PEX2: variants seen among roughly 807,000 people sequenced by gnomAD.
PEX2 encodes peroxisome biogenesis factor 2.
PEX2 carries 19 observed loss-of-function variants against 25.2 expected under a neutral mutation model. The ratio of observed to expected loss-of-function variants is 0.75; its 90% CI spans 0.53 to 1.10. The LOEUF (loss-of-function observed/expected upper bound fraction) is 1.10, where lower values mean the gene tolerates loss of function less well. PEX2 is among the 50% of genes least tolerant of loss of function. The pLI, the probability that PEX2 is intolerant of heterozygous loss-of-function variation, is 0.00. For synonymous variants in PEX2, 141 were observed against 127.7 expected, an observed-to-expected ratio of 1.10 and a Z score of -0.70; for missense variants, 347 against 350.6, an observed-to-expected ratio of 0.99 and a Z score of 0.08.
chr8:76,985,060 TAA>T (rs1338966958), intron 3 of PEX2, among the ~76,000 whole-genome samples: 3 of 151,790 alleles, frequency 2.0e-5, no homozygotes, highest in African/African-American at 7.3e-5. Context: ...TATATTATTA[TAA>T]ATATGTATTA....
rs1806920297 is a variant in PEX2 at position 76,983,870 on chromosome 8, T to G, written c.309A>C (p.Lys103Asn). ...CAATTGTACAAACAGCATACCAGAT[T>G]TTTTGATTTTTACTGGGTGGCTGAT... Reference protein sequence around the residue: ...LRYQPPSKNQKIWYAVCTIGG... With the variant: ...LRYQPPSKNQNIWYAVCTIGG... Residue 103 changes from lysine to asparagine, a missense_variant, in exon 4 of 4, where the codon AAA (lysine) becomes AAC (asparagine). Lys to Asn is a moderately conservative substitution (Grantham distance 94). Transcript: ENST00000357039. 1 of 1,614,158 alleles carries G rather than the reference T, an allele frequency of 6.2e-7. No homozygotes were observed. Among genetic ancestry groups the G allele is most frequent in the Admixed American group, 1.7e-5 (1 of 60,030 alleles).
At chr8:76,991,453 T>C (rs1230970532) in intron 1 of PEX2, among the ~76,000 whole-genome samples, 1 of 152,232 alleles carries the variant, frequency 6.6e-6, no homozygotes, top group East Asian at 1.9e-4. Context: ...GACTCTTTAA[T>C]AGACCAAAAG....
At chr8:76,996,619 T>C (rs1278021328) in intron 1 of PEX2, among the ~76,000 whole-genome samples, 4 of 152,332 alleles carry the variant, frequency 2.6e-5, no homozygotes, top group African/African-American at 7.2e-5. Context: ...TAGAATCTAA[T>C]TGCTTAAGAA....
At chr8:76,985,200 A>G in intron 3 of PEX2, among the ~76,000 whole-genome samples, 1 of 152,106 alleles carries the variant, frequency 6.6e-6, no homozygotes, top group East Asian at 1.9e-4. Context: ...AATGAGGCTT[A>G]AATTTAGTTG....
chr8:76,990,045 T>C (rs538537786), intron 1 of PEX2, among the ~76,000 whole-genome samples: 5 of 152,356 alleles, frequency 3.3e-5, no homozygotes, highest in African/African-American at 1.2e-4. Flanking sequence ...CTTCATCAAT[T>C]ATTTAGCTAA....
At chr8:77,000,606 C>A (rs1326960674), upstream of PEX2, among the ~76,000 whole-genome samples, 1 of 152,198 alleles carries the variant, frequency 6.6e-6, no homozygotes, top group East Asian at 1.9e-4. Context: ...CGCTTGGAGA[C>A]CTGCCCGCCC....
At position 76,980,663 on chromosome 8, in the gene PEX2, T is replaced by A. The variant is rs935451057; in HGVS notation, c.*2598A>T. On this transcript the variant is annotated 3_prime_UTR_variant, in exon 4 of 4. Coordinates refer to ENST00000357039, the MANE Select transcript of PEX2 (RefSeq NM_000318.3). ...GCTGTAACTATTAGGCAAGAGTATCTCATGCCAGTGGGATCAGAAAGCTAG... is the reference window on the plus strand; with the variant it reads ...GCTGTAACTATTAGGCAAGAGTATCACATGCCAGTGGGATCAGAAAGCTAG... 6.6e-6 allele frequency: 1 copy of A among 152,258 alleles called. No homozygotes were observed. Among genetic ancestry groups the A allele is most frequent in the Non-Finnish European group, 1.5e-5 (1 of 68,060 alleles). The allele number at this position is 152,258 out of a possible 1,614,324, so 9.4% of individuals were successfully genotyped here. A position where few individuals can be genotyped will look rare whatever the true frequency, so the allele number is the denominator to read the frequency against.
intron 1 of PEX2, among the ~76,000 whole-genome samples, chr8:76,992,747 T>C (rs577727652): frequency 3.9e-5 from 6 of 152,332 alleles, no homozygotes; most frequent in Non-Finnish European, 8.8e-5. Context: ...ACCTATCAAA[T>C]ACAAGGCATT....
chr8:76,998,308 G>A (rs1807394691), intron 1 of PEX2, among the ~76,000 whole-genome samples: 1 of 152,084 alleles, frequency 6.6e-6, no homozygotes, highest in African/African-American at 2.4e-5. Flanking sequence ...TACCAAATAT[G>A]TAAAATGAAA....
chr8:76,987,720 G>C (rs998105863), intron 2 of PEX2, among the ~76,000 whole-genome samples: 1 of 152,124 alleles, frequency 6.6e-6, no homozygotes. Flanking sequence ...AGAGAGAAAA[G>C]GGTTATCTTT....
rs912151931 is a variant in PEX2, at chr8:76,981,942, T to C, written c.*1319A>G. 1 of 152,198 alleles carries C rather than the reference T, an allele frequency of 6.6e-6. No individual in the cohort carries two copies. The highest frequency in any genetic ancestry group is 2.4e-5 in the African/African-American group (1 of 41,452). The allele number at this position is 152,198 out of a possible 1,614,324, so 9.4% of individuals were successfully genotyped here. On this transcript the variant is annotated 3_prime_UTR_variant, in exon 4 of 4. Coordinates refer to ENST00000357039, the MANE Select transcript of PEX2 (RefSeq NM_000318.3). ...ATTCAATCACAGAATGTAAACTCCA[T>C]GAAGGTAACTTGATTTTTCCTGCTT...
At chr8:77,000,163 G>A, upstream of PEX2, 3 of 330,848 alleles carry the variant, frequency 9.1e-6, no homozygotes, top group East Asian at 8.9e-5. Context: ...TTACACCAAC[G>A]AGAACTGCGC....
intron 1 of PEX2, among the ~76,000 whole-genome samples, chr8:76,999,376 TTTTAA>T (rs34063162): frequency 0.039 from 5,943 of 152,208 alleles, 347 homozygotes; most frequent in African/African-American, 0.13. Flanking sequence ...AAACAACGAT[TTTTAA>T]TTTAAGAACC....
chr8:76,986,864 G>A (rs566931527), intron 2 of PEX2, among the ~76,000 whole-genome samples: 2 of 152,192 alleles, frequency 1.3e-5, no homozygotes, highest in Admixed American at 6.5e-5. Context: ...GGATGAGCCT[G>A]TTGTGAAGAT....
At position 76,981,112 on chromosome 8, in the gene PEX2, T is replaced by C. The variant is rs776248796; in HGVS notation, c.*2149A>G. On this transcript the variant is annotated 3_prime_UTR_variant, in exon 4 of 4. Coordinates refer to ENST00000357039, the MANE Select transcript of PEX2 (RefSeq NM_000318.3). The stretch of plus-strand genomic sequence containing the variant: ...CAACAGAAAGTGAAAAGAACCTAAA[T>C]GCTCTATGATGGTGGTTAAATAATA... The C allele has an allele frequency of 5.9e-5, 9 of 152,228 alleles. No homozygotes were observed. The highest frequency in any genetic ancestry group is 3.3e-4 in the Admixed American group (5 of 15,280). The allele number at this position is 152,228 out of a possible 1,614,324, so 9.4% of individuals were successfully genotyped here.
Position 76,983,890 on chromosome 8 carries a change from G to T in PEX2, c.289C>A (p.Pro97Thr), listed in dbSNP as rs760145990. The change falls in exon 4 of 4, where the codon CCA becomes ACA. Residue 97 changes from proline to threonine, a missense_variant. Coordinates refer to ENST00000357039, the MANE Select transcript of PEX2 (RefSeq NM_000318.3). ...NDFSPNLRYQPPSKNQKIWYA... is the reference protein window; with the variant it reads ...NDFSPNLRYQTPSKNQKIWYA... ...CAGATTTTTTGATTTTTACTGGGTG[G>T]CTGATATCTCAGGTTAGGGGAAAAA... 1.2e-6 allele frequency: 2 copies of T among 1,613,964 alleles called. No homozygotes were observed. Among genetic ancestry groups the T allele is most frequent in the African/African-American group, 2.7e-5 (2 of 74,898 alleles).
intron 1 of PEX2, among the ~76,000 whole-genome samples, chr8:76,990,919 C>CA (rs60633248): frequency 0.95 from 144,917 of 152,272 alleles, 69,111 homozygotes; most frequent in East Asian, 0.99. Flanking sequence ...TTGATTGACT[C>CA]GGTTTGCTAC....
chr8:76,987,251 C>T (rs1441878763), intron 2 of PEX2, among the ~76,000 whole-genome samples: 1 of 152,036 alleles, frequency 6.6e-6, no homozygotes, highest in African/African-American at 2.4e-5. Context: ...CAGTGATATG[C>T]AAGGGAAAAT....
intron 3 of PEX2, 37 bp from the exon 4 acceptor site, chr8:76,984,232 G>A: frequency 6.4e-7 from 1 of 1,553,392 alleles, no homozygotes; most frequent in Non-Finnish European, 8.9e-7. Context: ...TTAGCAAAGA[G>A]TTGCAATCTT....
Sources: gnomAD v4.1 joint callset for allele counts (sites outside exome capture counted in the v4.1 genomes callset) on GRCh38, gnomAD v4.1.1 for gene constraint, MANE v1.5 for transcripts, NCBI Gene and HGNC (gene_info 2026-07-23, HGNC 2026-07-21) for gene names.